The following OR2V2 variants were observed in gnomAD, a reference collection of about 807,000 sequenced individuals.
OR2V2 encodes olfactory receptor family 2 subfamily V member 2.
For missense variants in OR2V2, 392 were observed against 392.2 expected, an observed-to-expected ratio of 1.00 and a Z score of 0.00; for synonymous variants, 161 against 151.3, an observed-to-expected ratio of 1.06 and a Z score of -0.47.
In OR2V2 at chr5:181,155,541, T is replaced by C. The variant is rs1448669579; in HGVS notation, c.599T>C (p.Ile200Thr). 15 of 1,614,060 alleles carry C rather than the reference T, an allele frequency of 9.3e-6. No homozygotes were observed. Among genetic ancestry groups the C allele is most frequent in the Admixed American group, 5.0e-5 (3 of 60,002 alleles). The change falls in exon 2 of 2, where the codon ATA becomes ACA. Residue 200 changes from isoleucine (I) to threonine (T), a missense_variant. By Grantham distance (89) the Ile-to-Thr change is moderately conservative. Coordinates refer to ENST00000641492, the MANE Select transcript of OR2V2 (RefSeq NM_206880.2). ...CVDTSLFEKV[I>T]FACCVFMLLF... The stretch of plus-strand genomic sequence containing the variant: ...GACACATCCCTGTTTGAGAAGGTGA[T>C]ATTTGCTTGCTGTGTCTTCATGCTT...
Position 181,155,660 on chromosome 5 carries a change from G to A in OR2V2, c.718G>A (p.Ala240Thr), listed in dbSNP as rs1420131912. 3 of 1,614,114 alleles carry A rather than the reference G, an allele frequency of 1.9e-6. No homozygotes were observed. The highest frequency in any genetic ancestry group is 2.5e-6 in the Non-Finnish European group (3 of 1,179,986). The change falls in exon 2 of 2, where the codon GCC becomes ACC. Residue 240 changes from alanine to threonine, a missense_variant. Transcript: ENST00000641492. ...HSAQAWKKALATCSSHLTAVT... is the reference protein window; with the variant it reads ...HSAQAWKKALTTCSSHLTAVT... ...TGCTCAGGCCTGGAAAAAGGCCCTG[G>A]CCACCTGCTCCTCCCACCTGACAGC...
At chr5:181,148,983 G>A (rs930421621) in intron 1 of OR2V2, among the ~76,000 whole-genome samples, 2 of 152,256 alleles carry the variant, frequency 1.3e-5, no homozygotes, top group Non-Finnish European at 2.9e-5. Flanking sequence ...CAGAGCTCTG[G>A]GGAGAGCAGA....
Position 181,155,744 on chromosome 5 carries a change from GC to G in OR2V2, c.807del (p.Ser270AlafsTer24). 2 of 1,614,120 alleles carry G rather than the reference GC, an allele frequency of 1.2e-6. No individual in the cohort carries two copies. Among genetic ancestry groups the G allele is most frequent in the Non-Finnish European group, 1.7e-6 (2 of 1,180,018 alleles). On this transcript the variant is annotated frameshift_variant, in exon 2 of 2. Transcript: ENST00000641492. LOFTEE classifies it low-confidence loss of function (END_TRUNC). Reference protein sequence around the residue: ...FIYLRPRHYRAPSHDKVASIF... With the variant: ...FIYLRPRHYRXPSHDKVASIF... ...CTACCTGAGGCCTAGGCACTACCGG[GC>G]CCCCAGCCATGACAAGGTGGCCTCT...
rs1229538824 is a variant in OR2V2, at chr5:181,155,857, G to A, written c.915G>A (p.Gly305=). 2 of 1,614,088 alleles carry A rather than the reference G, an allele frequency of 1.2e-6. No homozygotes were observed. The highest frequency in any genetic ancestry group is 1.7e-5 in the Admixed American group (1 of 60,018). ...AGGTGATGGGGGCACTGAGGAAGGG[G>A]CTGGACCGCTGCAGGATCGGCAGCC... The part of the protein sequence containing the change: ...NREVMGALRK[G]LDRCRIGSQH Residue 305 remains glycine, a synonymous_variant, in exon 2 of 2, where the codon GGG becomes GGA. Coordinates refer to ENST00000641492, the MANE Select transcript of OR2V2 (RefSeq NM_206880.2).
Sources: gnomAD v4.1 joint callset for allele counts (sites outside exome capture counted in the v4.1 genomes callset) on GRCh38, gnomAD v4.1.1 for gene constraint, MANE v1.5 for transcripts, NCBI Gene and HGNC (gene_info 2026-07-23, HGNC 2026-07-21) for gene names.